The following CPLANE1 variants were observed in gnomAD, a reference collection of about 807,000 sequenced individuals.
The protein encoded by CPLANE1 is ciliogenesis and planar polarity effector 1.
CPLANE1 carries 263 observed loss-of-function variants against 362.5 expected under a neutral mutation model. The ratio of observed to expected loss-of-function variants is 0.73; its 90% CI spans 0.66 to 0.80. CPLANE1 has a LOEUF of 0.80. Ranked by LOEUF, CPLANE1 falls within the 30% of genes least tolerant of loss-of-function variation. CPLANE1 has a pLI of 0.00. For synonymous variants in CPLANE1, 1,212 were observed against 1,302.6 expected, an observed-to-expected ratio of 0.93 and a Z score of 1.50; for missense variants, 3,461 against 3,793.4, an observed-to-expected ratio of 0.91 and a Z score of 2.30.
At chr5:37,196,861 G>T (rs1003869032) in intron 20 of CPLANE1, among the ~76,000 whole-genome samples, 1 of 152,008 alleles carries the variant, frequency 6.6e-6, no homozygotes, top group African/African-American at 2.4e-5. Context: ...GGAGCCGGAG[G>T]TTGCGGTGAG....
chr5:37,102,699 T>G (rs1323989286), downstream of CPLANE1, among the ~76,000 whole-genome samples: 1 of 152,204 alleles, frequency 6.6e-6, no homozygotes, highest in Non-Finnish European at 1.5e-5. Flanking sequence ...TTGTTCAATT[T>G]CCATGTAGTT....
chr5:37,080,936 T>G, the CPLANE1 span, among the ~76,000 whole-genome samples: 1 of 152,234 alleles, frequency 6.6e-6, no homozygotes, highest in Non-Finnish European at 1.5e-5. Context: ...ATCTTTGAAC[T>G]GCCTACATGA....
rs573568297 is a variant in CPLANE1 at position 37,197,496 on chromosome 5, T to C, written c.3672+1206A>G. ...ATCTGAATGCACCTGGAAACGGATG[T>C]TCCCCTAGTGCCTCTAGAAAGGAAT... On this transcript the variant is annotated intron_variant, in intron 20 of 52. Coordinates refer to ENST00000651892, the MANE Select transcript of CPLANE1 (RefSeq NM_001384732.1). Among the ~76,000 whole-genome samples the C allele has an allele frequency of 2.6e-5, 4 of 152,286 alleles. No individual in the cohort carries two copies. In the South Asian group the frequency reaches 8.3e-4, roughly 32 times the overall value.
At chr5:37,132,337 GTTTTTTTTTTTT>G (rs70976278) in intron 46 of CPLANE1, among the ~76,000 whole-genome samples, 2 of 77,776 alleles carry the variant, frequency 2.6e-5, no homozygotes, top group Non-Finnish European at 4.9e-5. Flanking sequence ...GATTGTTCAA[GTTTTTTTTTTTT>G]TTTTTTTTTT....
At chr5:37,178,139 CA>C (rs1426524200) in intron 29 of CPLANE1, among the ~76,000 whole-genome samples, 1 of 151,850 alleles carries the variant, frequency 6.6e-6, no homozygotes, top group African/African-American at 2.4e-5. Context: ...TAAAAAAATA[CA>C]AAAAATTAGT....
chr5:37,124,546 T>C (rs930362204), intron 47 of CPLANE1, among the ~76,000 whole-genome samples: 2 of 152,148 alleles, frequency 1.3e-5, no homozygotes, highest in African/African-American at 4.8e-5. Flanking sequence ...GGGTTTTTTA[T>C]TTGTTAGCTT....
chr5:37,128,532 A>G (rs1043836085), intron 46 of CPLANE1, among the ~76,000 whole-genome samples: 1 of 152,192 alleles, frequency 6.6e-6, no homozygotes. Context: ...GGTAGAATCA[A>G]TATTGTGAAA....
intron 8 of CPLANE1, among the ~76,000 whole-genome samples, chr5:37,231,355 G>A (rs767908770): frequency 1.3e-5 from 2 of 152,166 alleles, no homozygotes; most frequent in Non-Finnish European, 1.5e-5. Context: ...CGAGGCAGGC[G>A]GATCAACTGA....
chr5:37,148,453 A>T (rs1772416775), intron 42 of CPLANE1, among the ~76,000 whole-genome samples, 185 bp from the exon 43 acceptor site: 1 of 152,270 alleles, frequency 6.6e-6, no homozygotes, highest in South Asian at 2.1e-4. Flanking sequence ...TTTGTAGCTT[A>T]ACTGAGTTAT....
chr5:37,109,151 G>A (rs1758412310), intron 51 of CPLANE1, among the ~76,000 whole-genome samples: 1 of 152,138 alleles, frequency 6.6e-6, no homozygotes, highest in South Asian at 2.1e-4. Context: ...CAAGACATGG[G>A]ACAAGATGGG....
chr5:37,129,744 T>C (rs1021464340), intron 46 of CPLANE1, among the ~76,000 whole-genome samples: 5 of 152,086 alleles, frequency 3.3e-5, no homozygotes, highest in African/African-American at 7.2e-5. Context: ...CAAAAAATAA[T>C]AGATGTTGGC....
intron 42 of CPLANE1, among the ~76,000 whole-genome samples, chr5:37,150,090 C>T (rs887447873): frequency 1.3e-5 from 2 of 152,146 alleles, no homozygotes; most frequent in South Asian, 2.1e-4. Flanking sequence ...ACCTCCCCAA[C>T]AGATTCAGCA....
At chr5:37,151,345 C>T (rs74724105) in intron 42 of CPLANE1, among the ~76,000 whole-genome samples, 2,547 of 152,304 alleles carry the variant, frequency 0.017, 71 homozygotes, top group African/African-American at 0.059. Context: ...TCACTTACCC[C>T]GTCCAGTCAC....
chr5:37,174,867 T>C (rs1303420581), intron 31 of CPLANE1, among the ~76,000 whole-genome samples: 2 of 152,228 alleles, frequency 1.3e-5, no homozygotes, highest in Non-Finnish European at 2.9e-5. Context: ...TCTTTTCCTT[T>C]TCTGCCAAAG....
intron 1 of CPLANE1, among the ~76,000 whole-genome samples, chr5:37,248,191 G>A (rs1740456948): frequency 1.3e-5 from 2 of 151,292 alleles, no homozygotes; most frequent in African/African-American, 4.9e-5. Context: ...GCAGTGGCGC[G>A]ATCTCGGCTC....
intron 15 of CPLANE1, among the ~76,000 whole-genome samples, chr5:37,216,027 G>C (rs1301412634): frequency 6.6e-6 from 1 of 151,540 alleles, no homozygotes; most frequent in African/African-American, 2.4e-5. Context: ...GGTCAAGATG[G>C]GGTTTCGCCA....
chr5:37,205,495 G>A (rs1366239452), intron 17 of CPLANE1, 41 bp from the exon 18 acceptor site: 12 of 1,357,728 alleles, frequency 8.8e-6, no homozygotes, highest in East Asian at 5.3e-5. Flanking sequence ...TCCAAATTTT[G>A]AAAAAAAAGG....
chr5:37,142,290 G>C lies in CPLANE1; in HGVS notation c.8632+20C>G, dbSNP rs1580113716. On this transcript the variant is annotated intron_variant, in intron 44 of 52. Transcript: ENST00000651892. The stretch of plus-strand genomic sequence containing the variant: ...ATGGAGAATAAGAGTATGTGTAAAT[G>C]AAAAAGTAAAGAACAATACCAGGAG... 4.0e-6 allele frequency: 6 copies of C among 1,509,520 alleles called. No homozygotes were observed. Among genetic ancestry groups the C allele is most frequent in the East Asian group, 2.4e-5 (1 of 40,882 alleles). The allele number at this position is 1,509,520 out of a possible 1,614,324, so 93.5% of individuals were successfully genotyped here.
rs756030439 is a variant in CPLANE1 at position 37,184,898 on chromosome 5, C to T, written c.4371G>A (p.Leu1457=). ...GVDRYSLGTS[L]SRSTLTELGD... is the part of the protein sequence containing the mutation. Reference sequence around the variant, plus strand: ...CTAGTTCTGTGAGTGTACTTCTGCTCAAACTAGTCCCCAGGGAATATCTGT... The same window carrying T: ...CTAGTTCTGTGAGTGTACTTCTGCTTAAACTAGTCCCCAGGGAATATCTGT... The change falls in exon 25 of 53, where the codon TTG becomes TTA. Residue 1457 remains leucine, a synonymous_variant. Transcript: ENST00000651892. 1.9e-6 allele frequency: 3 copies of T among 1,614,128 alleles called. No homozygotes were observed. In the East Asian group the frequency reaches 6.7e-5, roughly 36 times the overall value.
Sources: allele counts gnomAD v4.1 joint callset (sites outside exome capture counted in the v4.1 genomes callset), GRCh38; gene constraint gnomAD v4.1.1; transcripts MANE v1.5; gene names NCBI Gene and HGNC (gene_info 2026-07-23, HGNC 2026-07-21).